DRC12: variants seen among roughly 807,000 people sequenced by gnomAD.
DRC12 encodes dynein regulatory complex subunit 12 homolog.
the DRC12 span, chr11:119,190,497 G>A: frequency 1.2e-6 from 2 of 1,610,780 alleles, no homozygotes; most frequent in Non-Finnish European, 8.5e-7. This position sits in a 1 kb window ranked among gnomAD's most constrained non-coding sequence, Gnocchi z 4.2. Context: ...AGAGAGGGAA[G>A]GAGTGAGTGC....
At chr11:119,193,973 G>C in the DRC12 span, 1 of 1,361,838 alleles carries the variant, frequency 7.3e-7, no homozygotes, top group Non-Finnish European at 1.0e-6. Context: ...CCCACCTCTA[G>C]AAATCTGGTG....
the DRC12 span, chr11:119,193,443 C>T: frequency 1.1e-6 from 1 of 932,934 alleles, no homozygotes; most frequent in Non-Finnish European, 1.6e-6. Context: ...ACCTACCTCC[C>T]CCAGTCCAGC....
chr11:119,190,475 C>T, the DRC12 span: 3 of 1,613,522 alleles, frequency 1.9e-6, no homozygotes, highest in Non-Finnish European at 1.7e-6. The surrounding 1 kb of genome is among the most constrained non-coding windows in gnomAD (Gnocchi z 4.2). Flanking sequence ...ATATTTCAGA[C>T]CCCAGAAAGA....
chr11:119,193,690 C>A, the DRC12 span: 1 of 1,530,166 alleles, frequency 6.5e-7, no homozygotes, highest in Non-Finnish European at 8.8e-7. Flanking sequence ...GTTTCCCTTC[C>A]TTGCATCAAC....
At chr11:119,193,284 G>C in the DRC12 span, 1 of 1,503,232 alleles carries the variant, frequency 6.7e-7, no homozygotes, top group Non-Finnish European at 9.3e-7. Flanking sequence ...CCAGGTTGGA[G>C]ATGGAGGGAT....
the DRC12 span, chr11:119,195,097 G>T: frequency 7.4e-6 from 7 of 950,734 alleles, no homozygotes; most frequent in Non-Finnish European, 1.1e-5. Flanking sequence ...CAGCAGACCT[G>T]AGGACCACTA....
chr11:119,193,432 G>A, the DRC12 span: 7 of 894,254 alleles, frequency 7.8e-6, no homozygotes, highest in East Asian at 8.0e-5. Context: ...CAGGAAGCCC[G>A]ACCTACCTCC....
chr11:119,195,351 C>G, the DRC12 span: 1 of 1,371,746 alleles, frequency 7.3e-7, no homozygotes, highest in Non-Finnish European at 1.0e-6. Context: ...TGAATTCTCT[C>G]TGGAGGAGCT....
chr11:119,191,377 T>C, the DRC12 span, among the ~76,000 whole-genome samples: 2 of 151,656 alleles, frequency 1.3e-5, no homozygotes, highest in Non-Finnish European at 2.9e-5. Context: ...GGATTACAAG[T>C]GTGAGCCACC....
the DRC12 span, chr11:119,190,729 T>C: frequency 6.2e-7 from 1 of 1,613,962 alleles, no homozygotes; most frequent in East Asian, 2.2e-5. This position sits in a 1 kb window ranked among gnomAD's most constrained non-coding sequence, Gnocchi z 4.2. Context: ...TTCCTCATAC[T>C]TCGCCTCCAT....
chr11:119,193,692 T>C, the DRC12 span: 1 of 1,532,112 alleles, frequency 6.5e-7, no homozygotes, highest in Non-Finnish European at 8.8e-7. Context: ...TTCCCTTCCT[T>C]GCATCAACTG....
the DRC12 span, among the ~76,000 whole-genome samples, chr11:119,191,675 G>A: frequency 1.3e-5 from 2 of 151,754 alleles, no homozygotes; most frequent in Non-Finnish European, 2.9e-5. Flanking sequence ...AGGCATGGTG[G>A]CGCACACCTG....
At chr11:119,195,225 T>C in the DRC12 span, 18 of 637,266 alleles carry the variant, frequency 2.8e-5, no homozygotes, top group Admixed American at 5.7e-5. Flanking sequence ...CAGAGCTAGA[T>C]GGGGCTTAAA....
At chr11:119,190,377 C>A in the DRC12 span, 7 of 1,613,718 alleles carry the variant, frequency 4.3e-6, no homozygotes, top group Non-Finnish European at 5.1e-6. The surrounding 1 kb of genome is among the most constrained non-coding windows in gnomAD (Gnocchi z 4.2). Context: ...TTGTGCCTGG[C>A]GTGAAGTCTC....
chr11:119,190,640 G>A, the DRC12 span: 41 of 1,578,534 alleles, frequency 2.6e-5, no homozygotes, highest in Non-Finnish European at 3.4e-5. The surrounding 1 kb of genome is among the most constrained non-coding windows in gnomAD (Gnocchi z 4.2). Context: ...GTCATCATAC[G>A]AGCTGGGGTT....
the DRC12 span, chr11:119,193,993 C>A: frequency 9.1e-7 from 1 of 1,094,652 alleles, no homozygotes. Flanking sequence ...GGTGGGGTGT[C>A]CAGCCTCTTA....
chr11:119,192,394 G>C, the DRC12 span, among the ~76,000 whole-genome samples: 1 of 152,096 alleles, frequency 6.6e-6, no homozygotes, highest in Non-Finnish European at 1.5e-5. Context: ...AAGGCTTCCT[G>C]GTTTTTAAAA....
At chr11:119,190,739 T>C in the DRC12 span, 1 of 1,614,056 alleles carries the variant, frequency 6.2e-7, no homozygotes, top group South Asian at 1.1e-5. The surrounding 1 kb of genome is among the most constrained non-coding windows in gnomAD (Gnocchi z 4.2). Flanking sequence ...TTCGCCTCCA[T>C]GTCTGCCATG....
At chr11:119,193,408 A>C in the DRC12 span, 3 of 838,496 alleles carry the variant, frequency 3.6e-6, no homozygotes, top group Non-Finnish European at 3.7e-6. Flanking sequence ...GACCATGAAA[A>C]CCTGAGGAAG....
Sources: allele counts gnomAD v4.1 joint callset (sites outside exome capture counted in the v4.1 genomes callset), GRCh38; gene constraint gnomAD v4.1.1; non-coding constraint Gnocchi (gnomAD v3.1); transcripts MANE v1.5; gene names NCBI Gene and HGNC (gene_info 2026-07-23, HGNC 2026-07-21).